The following HOXC6 variants were observed in gnomAD, a reference collection of about 807,000 sequenced individuals.
The protein encoded by HOXC6 is homeobox protein Hox-C6.
HOXC6 carries 10 observed loss-of-function variants against 24.0 expected under a neutral mutation model. The observed-to-expected ratio is 0.42, with a 90% CI of 0.26 to 0.71. The LOEUF (loss-of-function observed/expected upper bound fraction) is 0.71, where lower values mean the gene tolerates loss of function less well. Among genes scored for constraint, HOXC6 ranks in the 30% least tolerant of loss-of-function variants. The pLI is 0.28. For missense variants in HOXC6, 258 were observed against 303.4 expected, an observed-to-expected ratio of 0.85 and a Z score of 1.11; for synonymous variants, 123 against 128.1, an observed-to-expected ratio of 0.96 and a Z score of 0.27.
At position 54,030,424 on chromosome 12, in the gene HOXC6, C is replaced by T. The variant is rs1025456807; in HGVS notation, c.*462C>T. The stretch of plus-strand genomic sequence containing the variant: ...GGCCGGAGGCCCAAGGAGGGCGCGC[C>T]TTGGCCCCACACCAACCCCCAGGGC... On this transcript the variant is annotated 3_prime_UTR_variant, in exon 2 of 2. Coordinates refer to ENST00000243108, the MANE Select transcript of HOXC6 (RefSeq NM_004503.4). 1.3e-5 allele frequency: 2 copies of T among 153,496 alleles called. No homozygotes were observed. Among genetic ancestry groups the T allele is most frequent in the African/African-American group, 4.8e-5 (2 of 41,444 alleles). The allele number at this position is 153,496 out of a possible 1,614,324, so 9.5% of individuals were successfully genotyped here.
upstream of HOXC6, among the ~76,000 whole-genome samples, chr12:54,024,670 A>G (rs1157541771): frequency 6.9e-6 from 1 of 145,546 alleles, no homozygotes; most frequent in Non-Finnish European, 1.5e-5. Context: ...AGTCCCACCC[A>G]CCCTTTCCCC....
At chr12:54,023,792 C>G (rs736825), upstream of HOXC6, among the ~76,000 whole-genome samples, 53,411 of 151,960 alleles carry the variant, frequency 0.35, 9,805 homozygotes, top group East Asian at 0.64. Context: ...GTGTGTGTAG[C>G]GGGGGCAGGT....
At chr12:54,029,556 G>C in intron 1 of HOXC6, 99 bp from the exon 2 acceptor site, 1 of 1,288,310 alleles carries the variant, frequency 7.8e-7, no homozygotes. Context: ...GCTGTGAGCT[G>C]CTGGCCAGGT....
chr12:54,018,397 GTCC>G (rs1046405941), intron 1 of HOXC6, among the ~76,000 whole-genome samples: 2 of 152,218 alleles, frequency 1.3e-5, no homozygotes, highest in Admixed American at 6.5e-5. Flanking sequence ...GACAGGCCCA[GTCC>G]TCCTGGTAGA....
At chr12:54,028,261 A>ATTT (rs770385019), upstream of HOXC6, 153 of 214,016 alleles carry the variant, frequency 7.1e-4, 2 homozygotes, top group African/African-American at 3.5e-3. Context: ...ATATATATAT[A>ATTT]TATATATTTT....
chr12:54,026,935 T>A (rs1181851970), upstream of HOXC6, among the ~76,000 whole-genome samples: 1 of 143,244 alleles, frequency 7.0e-6, no homozygotes, highest in African/African-American at 2.7e-5. Flanking sequence ...ATAGCCAGCT[T>A]TCCCCCCCCC....
In HOXC6 at chr12:54,030,180, T is replaced by A. The variant is rs1940929520; in HGVS notation, c.*218T>A. 1 of 496,490 alleles carries A rather than the reference T, an allele frequency of 2.0e-6. No individual in the cohort carries two copies. Among genetic ancestry groups the A allele is most frequent in the Non-Finnish European group, 3.6e-6 (1 of 280,924 alleles). The allele number at this position is 496,490 out of a possible 1,614,324, so 30.8% of individuals were successfully genotyped here. A position where few individuals can be genotyped will look rare whatever the true frequency, so the allele number is the denominator to read the frequency against. ...ACGCGCCTCCTCCTCCTCGCTCCCT[T>A]GCTAGCTCGTTCTCGGCTTGTCTAC... On this transcript the variant is annotated 3_prime_UTR_variant, in exon 2 of 2. Coordinates refer to ENST00000243108, the MANE Select transcript of HOXC6 (RefSeq NM_004503.4).
At position 54,028,488 on chromosome 12, in the gene HOXC6, A is replaced by G; in HGVS notation, c.-34A>G. 1 of 1,592,138 alleles carries G rather than the reference A, an allele frequency of 6.3e-7. No homozygotes were observed. Among genetic ancestry groups the G allele is most frequent in the South Asian group, 1.1e-5 (1 of 87,782 alleles). On this transcript the variant is annotated 5_prime_UTR_variant, in exon 1 of 2. Transcript: ENST00000243108. ...AACTGGAGACAGAAATAAATATTAA[A>G]GAAATCATAGACCGACCAGGTAAAG... is the stretch of plus-strand genomic sequence containing the variant.
In HOXC6 at chr12:54,028,813, AC is replaced by A. The variant is rs1940850750; in HGVS notation, c.294del (p.Ser99GlnfsTer31). ...RQNTLGHNTQ[T>X]SIAQDFSSEQ... The stretch of plus-strand genomic sequence containing the variant: ...AAACACCTTAGGACATAACACACAG[AC>A]CTCAATCGCTCAGGATTTTAGTTCT... On this transcript the variant is annotated frameshift_variant, in exon 1 of 2. Transcript: ENST00000243108. LOFTEE classifies it high-confidence loss of function. 6.2e-7 allele frequency: 1 copy of A among 1,614,074 alleles called. No individual in the cohort carries two copies. Among genetic ancestry groups the A allele is most frequent in the Non-Finnish European group, 8.5e-7 (1 of 1,180,008 alleles).
At chr12:54,018,028 A>G (rs966954393) in intron 1 of HOXC6, among the ~76,000 whole-genome samples, 4 of 152,068 alleles carry the variant, frequency 2.6e-5, no homozygotes, top group African/African-American at 7.2e-5. Context: ...TTAATTGGCA[A>G]TTAGGGGGGA....
chr12:54,030,390 G>A lies in HOXC6; in HGVS notation c.*428G>A, dbSNP rs901114856. ...CAGGGCCTCAGGGCCCGGCCTGGCAGCCGGGGAGGGCCGGAGGCCCAAGGA... is the reference window on the plus strand; with the variant it reads ...CAGGGCCTCAGGGCCCGGCCTGGCAACCGGGGAGGGCCGGAGGCCCAAGGA... On this transcript the variant is annotated 3_prime_UTR_variant, in exon 2 of 2. Transcript: ENST00000243108. 6 of 151,836 alleles carry A rather than the reference G, an allele frequency of 4.0e-5. No individual in the cohort carries two copies. Among genetic ancestry groups the A allele is most frequent in the African/African-American group, 1.2e-4 (5 of 40,906 alleles). 9.4% of individuals were successfully genotyped at this position (151,836 alleles called of 1,614,324 possible).
rs747214600 is a variant in HOXC6 at position 54,029,853 on chromosome 12, C to G, written c.599C>G (p.Ser200Cys). 1.2e-6 allele frequency: 2 copies of G among 1,614,016 alleles called. No individual in the cohort carries two copies. The highest frequency in any genetic ancestry group is 2.2e-5 in the South Asian group (2 of 91,072). The change falls in exon 2 of 2, where the codon TCT becomes TGT. Residue 200 changes from serine (S) to cysteine (C), a missense_variant. Transcript: ENST00000243108. ...CGCCGGATGAAGTGGAAAAAAGAAT[C>G]TAATCTCACATCCACTCTCTCGGGG... ...QNRRMKWKKESNLTSTLSGGG... is the reference protein window; with the variant it reads ...QNRRMKWKKECNLTSTLSGGG...
upstream of HOXC6, among the ~76,000 whole-genome samples, chr12:54,026,790 A>G (rs1013984330): frequency 6.6e-5 from 10 of 152,174 alleles, no homozygotes; most frequent in Non-Finnish European, 1.3e-4. Flanking sequence ...GGAAACCTTA[A>G]CGTTACAGAA....
intron 1 of HOXC6, among the ~76,000 whole-genome samples, chr12:54,018,846 C>G (rs954184980): frequency 5.3e-5 from 8 of 152,188 alleles, no homozygotes; most frequent in Non-Finnish European, 8.8e-5. Context: ...CCTCTACCCC[C>G]ACCCTCTCCC....
chr12:54,019,344 A>G (rs946790943), intron 1 of HOXC6, among the ~76,000 whole-genome samples: 12 of 152,268 alleles, frequency 7.9e-5, no homozygotes, highest in Non-Finnish European at 1.5e-4. Context: ...GGCACGGCCC[A>G]GTGGCTGATG....
chr12:54,019,055 TC>T (rs1940301602), intron 1 of HOXC6, among the ~76,000 whole-genome samples: 1 of 136,520 alleles, frequency 7.3e-6, no homozygotes, highest in Admixed American at 7.4e-5. Flanking sequence ...TTATCTCCCC[TC>T]CCCCCACAAC....
chr12:54,030,057 T>C lies in HOXC6; in HGVS notation c.*95T>C, dbSNP rs1398545600. ...ACTCTGTATTTATCACTGGCACAAT[T>C]GATGTGTTTTGATTCCCTAAAACAA... On this transcript the variant is annotated 3_prime_UTR_variant, in exon 2 of 2. Transcript: ENST00000243108. The C allele has an allele frequency of 1.6e-6, 2 of 1,219,116 alleles. No homozygotes were observed. The highest frequency in any genetic ancestry group is 5.8e-5 in the Admixed American group (2 of 34,568). The allele number at this position is 1,219,116 out of a possible 1,614,324, so 75.5% of individuals were successfully genotyped here.
Position 54,029,849 on chromosome 12 carries a change from G to C in HOXC6, c.595G>C (p.Glu199Gln). ...FQNRRMKWKK[E>Q]SNLTSTLSGG... is the part of the protein sequence containing the mutation. ...GAACCGCCGGATGAAGTGGAAAAAA[G>C]AATCTAATCTCACATCCACTCTCTC... The change falls in exon 2 of 2, where the codon GAA (glutamate) becomes CAA (glutamine). Residue 199 changes from glutamate to glutamine, a missense_variant. Coordinates refer to ENST00000243108, the MANE Select transcript of HOXC6 (RefSeq NM_004503.4). 1 of 1,614,052 alleles carries C rather than the reference G, an allele frequency of 6.2e-7. No individual in the cohort carries two copies. The highest frequency in any genetic ancestry group is 8.5e-7 in the Non-Finnish European group (1 of 1,179,976).
intron 1 of HOXC6, among the ~76,000 whole-genome samples, chr12:54,017,876 A>G (rs888534389): frequency 9.2e-5 from 14 of 151,980 alleles, no homozygotes; most frequent in African/African-American, 3.1e-4. Flanking sequence ...CCCCCAAACA[A>G]ACTTTCCAGC....
Sources: gnomAD v4.1 joint callset for allele counts (sites outside exome capture counted in the v4.1 genomes callset) on GRCh38, gnomAD v4.1.1 for gene constraint, MANE v1.5 for transcripts, NCBI Gene and HGNC (gene_info 2026-07-23, HGNC 2026-07-21) for gene names.